The following LMX1B variants were observed in gnomAD, a reference collection of about 807,000 sequenced individuals.
The protein encoded by LMX1B is LIM homeobox transcription factor 1 beta.
A neutral mutation model predicts 51.4 loss-of-function variants in LMX1B; 12 were observed. The observed-to-expected ratio is 0.23, with a 90% CI of 0.15 to 0.38. The LOEUF (loss-of-function observed/expected upper bound fraction) is 0.38, where lower values mean the gene tolerates loss of function less well. Ranked by LOEUF, LMX1B falls within the 10% of genes least tolerant of loss-of-function variation. The pLI is 1.00. For synonymous variants in LMX1B, 237 were observed against 235.4 expected, an observed-to-expected ratio of 1.01 and a Z score of -0.06; for missense variants, 445 against 571.1, an observed-to-expected ratio of 0.78 and a Z score of 2.25.
In LMX1B at chr9:126,693,526, C is replaced by T; in HGVS notation, c.744C>T (p.Val248=). The change falls in exon 5 of 8, where the codon GTC becomes GTT. Residue 248 remains valine, a splice_region_variant and synonymous_variant. Transcript: ENST00000373474. ...FEVSSKPCRK[V]RETLAAETGL... is the part of the protein sequence containing the mutation. ...CTGTTCCCCTCTCTCTGAGCCAGGTCCGAGAGACACTGGCAGCTGAGACGG... is the reference window on the plus strand; with the variant it reads ...CTGTTCCCCTCTCTCTGAGCCAGGTTCGAGAGACACTGGCAGCTGAGACGG... 6.2e-7 allele frequency: 1 copy of T among 1,613,976 alleles called. No homozygotes were observed. Among genetic ancestry groups the T allele is most frequent in the Non-Finnish European group, 8.5e-7 (1 of 1,179,952 alleles).
chr9:126,620,303 A>G (rs1372878137), intron 2 of LMX1B, among the ~76,000 whole-genome samples: 4 of 151,982 alleles, frequency 2.6e-5, no homozygotes, highest in Admixed American at 2.0e-4. Flanking sequence ...ACCTGAGTTC[A>G]CCTCCCAGCC....
chr9:126,676,656 A>G (rs1444814809), intron 2 of LMX1B, among the ~76,000 whole-genome samples: 3 of 152,154 alleles, frequency 2.0e-5, no homozygotes, highest in Non-Finnish European at 4.4e-5. Flanking sequence ...TCCATGACCA[A>G]ACTGGGTGTA....
intron 2 of LMX1B, among the ~76,000 whole-genome samples, chr9:126,687,900 G>A (rs1262723303): frequency 6.6e-6 from 1 of 152,172 alleles, no homozygotes; most frequent in African/African-American, 2.4e-5. Context: ...GGCTCACAGA[G>A]AAGAGGGAAC....
chr9:126,664,746 G>A (rs1254909970), intron 2 of LMX1B, among the ~76,000 whole-genome samples: 1 of 152,100 alleles, frequency 6.6e-6, no homozygotes, highest in East Asian at 1.9e-4. Context: ...GTGGTGGTGC[G>A]CGCCTGTAAT....
chr9:126,637,110 T>C (rs572280130), intron 2 of LMX1B, among the ~76,000 whole-genome samples: 1 of 152,362 alleles, frequency 6.6e-6, no homozygotes, highest in East Asian at 1.9e-4. Context: ...CAGGGAGTTA[T>C]CGCTGCTGCA....
intron 2 of LMX1B, among the ~76,000 whole-genome samples, chr9:126,635,186 G>C (rs968268079): frequency 1.3e-5 from 2 of 152,196 alleles, no homozygotes; most frequent in African/African-American, 2.4e-5. Context: ...TTCACCACCA[G>C]GTCTGACTCC....
intron 2 of LMX1B, among the ~76,000 whole-genome samples, chr9:126,628,904 T>C (rs1330997254): frequency 6.6e-6 from 1 of 152,016 alleles, no homozygotes; most frequent in East Asian, 1.9e-4. Flanking sequence ...GCAAATTGCT[T>C]CTGATTATTG....
At chr9:126,684,452 A>G (rs1383597488) in intron 2 of LMX1B, among the ~76,000 whole-genome samples, 1 of 152,198 alleles carries the variant, frequency 6.6e-6, no homozygotes, top group Non-Finnish European at 1.5e-5. Context: ...TAAAATCACC[A>G]GATTCTCAAT....
At chr9:126,691,139 C>T (rs539771563) in intron 3 of LMX1B, 71 bp downstream of exon 3, 25 of 1,246,844 alleles carry the variant, frequency 2.0e-5, no homozygotes, top group Middle Eastern at 2.0e-4. Flanking sequence ...AGGGGAGTCC[C>T]GGCTGGAGAA....
chr9:126,651,538 C>G lies in LMX1B; in HGVS notation c.326+35969C>G, dbSNP rs905230346. On this transcript the variant is annotated intron_variant, in intron 2 of 7. Transcript: ENST00000373474. Reference sequence around the variant, plus strand: ...CTTGGAGCCCACCTTCTTCTCCCCCCCTCCCAACAACACACACACCTGAGA... The same window carrying G: ...CTTGGAGCCCACCTTCTTCTCCCCCGCTCCCAACAACACACACACCTGAGA... 3.9e-5 allele frequency among the ~76,000 whole-genome samples: 6 copies of G among 152,216 alleles called. No individual in the cohort carries two copies. In the East Asian group the frequency reaches 5.8e-4, roughly 15 times the overall value.
intron 2 of LMX1B, among the ~76,000 whole-genome samples, chr9:126,664,789 C>T (rs990928030): frequency 6.6e-6 from 1 of 152,170 alleles, no homozygotes. Context: ...GCAGGAGAAT[C>T]GCTTGAACCT....
At chr9:126,638,169 G>C (rs1175855001) in intron 2 of LMX1B, among the ~76,000 whole-genome samples, 1 of 152,132 alleles carries the variant, frequency 6.6e-6, no homozygotes, top group East Asian at 1.9e-4. Flanking sequence ...CCTGGCCCAG[G>C]TGAGCCCCTC....
At chr9:126,691,150 G>A in intron 3 of LMX1B, 82 bp downstream of exon 3, 1 of 1,022,294 alleles carries the variant, frequency 9.8e-7, no homozygotes, top group Non-Finnish European at 1.5e-6. Context: ...GGCTGGAGAA[G>A]CCACCTCCTG....
chr9:126,678,320 A>C (rs1311086755), intron 2 of LMX1B, among the ~76,000 whole-genome samples: 5 of 126,376 alleles, frequency 4.0e-5, no homozygotes, highest in Non-Finnish European at 7.5e-5. Flanking sequence ...AAAAAAAAAA[A>C]ACAAAAAACA....
At chr9:126,648,774 A>T (rs1175027898) in intron 2 of LMX1B, among the ~76,000 whole-genome samples, 1 of 152,116 alleles carries the variant, frequency 6.6e-6, no homozygotes, top group Non-Finnish European at 1.5e-5. Flanking sequence ...GCTGCCTAGG[A>T]CCATAGAGGT....
At chr9:126,653,550 C>T (rs888439075) in intron 2 of LMX1B, among the ~76,000 whole-genome samples, 2 of 152,128 alleles carry the variant, frequency 1.3e-5, no homozygotes, top group African/African-American at 4.8e-5. Context: ...TACCCTTTGC[C>T]CAGTCTTGCA....
intron 2 of LMX1B, among the ~76,000 whole-genome samples, chr9:126,633,795 C>G (rs1264741949): frequency 6.6e-6 from 1 of 152,182 alleles, no homozygotes; most frequent in African/African-American, 2.4e-5. Flanking sequence ...CCCTGTGCAG[C>G]CACTGATTTA....
In LMX1B at chr9:126,666,099, G is replaced by A. The variant is rs78756999; in HGVS notation, c.327-24737G>A. ...AACCTACCAGGCAGCTTCTATGGCCGGCCTATTTTACAGATGGGAAAACTG... is the reference window on the plus strand; with the variant it reads ...AACCTACCAGGCAGCTTCTATGGCCAGCCTATTTTACAGATGGGAAAACTG... On this transcript the variant is annotated intron_variant, in intron 2 of 7. Coordinates refer to ENST00000373474, the MANE Select transcript of LMX1B (RefSeq NM_001174147.2). 2.3e-3 allele frequency among the ~76,000 whole-genome samples: 348 copies of A among 152,344 alleles called. 1 individual carries two copies. The highest frequency in any genetic ancestry group is 7.7e-3 in the African/African-American group (319 of 41,584).
chr9:126,689,448 A>G (rs1425973852), intron 2 of LMX1B, among the ~76,000 whole-genome samples: 1 of 152,356 alleles, frequency 6.6e-6, no homozygotes, highest in East Asian at 1.9e-4. Context: ...CAGCGCTCCC[A>G]AGGTGGCGCC....
Sources: gnomAD v4.1 joint callset for allele counts (sites outside exome capture counted in the v4.1 genomes callset) on GRCh38, gnomAD v4.1.1 for gene constraint, MANE v1.5 for transcripts, NCBI Gene and HGNC (gene_info 2026-07-23, HGNC 2026-07-21) for gene names.